Variants in PHF3 observed in about 807,000 individuals in gnomAD.
PHF3 encodes PHD finger protein 3.
In PHF3, 41 loss-of-function variants were observed where a neutral mutation model predicts 178.4. That is an observed-to-expected ratio of 0.23 (90% CI 0.18 to 0.30). The LOEUF (loss-of-function observed/expected upper bound fraction) is 0.30. Ranked by LOEUF, PHF3 falls within the 10% of genes least tolerant of loss-of-function variation. PHF3 has a pLI of 1.00. For missense variants in PHF3, 2,346 were observed against 2,398.1 expected (o/e 0.98, Z 0.45); for synonymous variants, 842 against 800.5 (o/e 1.05, Z -0.88).
intron 8 of PHF3, among the ~76,000 whole-genome samples, chr6:63,699,936 C>G (rs1243758084): frequency 6.6e-6 from 1 of 152,070 alleles, no homozygotes; most frequent in Non-Finnish European, 1.5e-5. Context: ...GTTTTTTGCT[C>G]TGCAGTTTCC....
At chr6:63,670,033 C>T (rs185805146) in intron 2 of PHF3, among the ~76,000 whole-genome samples, 40 of 151,974 alleles carry the variant, frequency 2.6e-4, no homozygotes, top group Admixed American at 2.0e-3. Flanking sequence ...GATGAAAGTT[C>T]CTTTTATAGA....
In PHF3 at chr6:63,723,332, G is replaced by A. The variant is rs66882701; in HGVS notation, c.*9624G>A. On this transcript the variant is annotated 3_prime_UTR_variant, in exon 16 of 16. Transcript: ENST00000262043. ...ACATTGGGTTATACCACCAAAAACT[G>A]GAACAAGTAAACATAATTGATAATT... is the stretch of plus-strand genomic sequence containing the variant. Among the ~76,000 whole-genome samples, 21,875 of 151,990 alleles carry A rather than the reference G, an allele frequency of 0.14. 1,794 individuals are homozygous for A. The highest frequency in any genetic ancestry group is 0.22 in the African/African-American group (9,197 of 41,454).
intron 6 of PHF3, among the ~76,000 whole-genome samples, chr6:63,695,889 A>G (rs1472206913): frequency 6.6e-6 from 1 of 152,236 alleles, no homozygotes; most frequent in Admixed American, 6.5e-5. Context: ...TGTTTTGGCC[A>G]TTATGAGATT....
intron 2 of PHF3, among the ~76,000 whole-genome samples, chr6:63,669,500 C>T (rs568637454): frequency 3.3e-5 from 5 of 152,078 alleles, no homozygotes; most frequent in Non-Finnish European, 7.4e-5. Context: ...CTAAAATATT[C>T]GATCCATTCG....
chr6:63,635,819 C>T lies in PHF3; in HGVS notation c.-357C>T. The T allele has an allele frequency of 2.5e-6, 1 of 394,852 alleles. No homozygotes were observed. Among genetic ancestry groups the T allele is most frequent in the African/African-American group, 2.1e-5 (1 of 48,542 alleles). The allele number at this position is 394,852 out of a possible 1,614,324, so 24.5% of individuals were successfully genotyped here. ...CGGTAAACAGTGGGGTCACGTGACA[C>T]GGCCCCTCTCCAGCTCCCGCGCCGC... On this transcript the variant is annotated 5_prime_UTR_variant, in exon 1 of 16. The change creates a new upstream start codon in the 5' untranslated region. Transcript: ENST00000262043.
chr6:63,707,569 C>A (rs535154081), intron 13 of PHF3, among the ~76,000 whole-genome samples: 1 of 152,250 alleles, frequency 6.6e-6, no homozygotes, highest in East Asian at 1.9e-4. Context: ...GAAAATAAAT[C>A]AGTACATATA....
In PHF3 at chr6:63,713,651, C is replaced by G; in HGVS notation, c.6063C>G (p.Asp2021Glu). The G allele has an allele frequency of 6.2e-7, 1 of 1,610,052 alleles. No individual in the cohort carries two copies. The highest frequency in any genetic ancestry group is 1.1e-5 in the South Asian group (1 of 90,430). Residue 2021 changes from aspartate (D) to glutamate (E), a missense_variant, in exon 16 of 16, where the codon GAC becomes GAG. Physicochemically the swap from Asp to Glu is conservative, Grantham distance 45. This residue lies in a region of PHF3 where 839 missense variants were observed against 806.9 expected (regional missense o/e 1.04). Coordinates refer to ENST00000262043, the MANE Select transcript of PHF3 (RefSeq NM_001370348.2). ...EKSKHREGEK[D>E]RDRYHKDRDH... Reference sequence around the variant, plus strand: ...GTAAACACAGAGAAGGAGAAAAGGACAGGGATAGGTACCACAAAGATAGGG... The same window carrying G: ...GTAAACACAGAGAAGGAGAAAAGGAGAGGGATAGGTACCACAAAGATAGGG...
At chr6:63,707,910 T>C (rs900702984) in intron 13 of PHF3, among the ~76,000 whole-genome samples, 2 of 149,114 alleles carry the variant, frequency 1.3e-5, no homozygotes, top group South Asian at 4.2e-4. Context: ...CCTGTCGCCC[T>C]GGCTGGAGTG....
At chr6:63,697,633 A>C (rs1226716751) in intron 6 of PHF3, among the ~76,000 whole-genome samples, 2 of 152,222 alleles carry the variant, frequency 1.3e-5, no homozygotes. Context: ...AAAGATATTA[A>C]GTATACGAGG....
intron 2 of PHF3, among the ~76,000 whole-genome samples, chr6:63,664,626 A>G (rs555320122): frequency 6.6e-6 from 1 of 152,282 alleles, no homozygotes; most frequent in East Asian, 1.9e-4. Context: ...AAATATTTAT[A>G]CTTTTCAAAT....
At position 63,685,862 on chromosome 6, in the gene PHF3, T is replaced by C; in HGVS notation, c.2140T>C (p.Trp714Arg). ...HSSSFESKYM[W>R]TPSKQCGFCK... ...CTCCTCATTTGAAAGCAAATATATGTGGACTCCCAGCAAGCAGTGTGGGTT... is the reference window on the plus strand; with the variant it reads ...CTCCTCATTTGAAAGCAAATATATGCGGACTCCCAGCAAGCAGTGTGGGTT... The change falls in exon 4 of 16, where the codon TGG becomes CGG. Residue 714 changes from tryptophan to arginine, a missense_variant. By Grantham distance (101) the Trp-to-Arg change is moderately radical. Transcript: ENST00000262043. The C allele has an allele frequency of 6.2e-7, 1 of 1,613,510 alleles. No individual in the cohort carries two copies. Among genetic ancestry groups the C allele is most frequent in the South Asian group, 1.1e-5 (1 of 91,072 alleles).
At chr6:63,699,868 C>T (rs1452575675) in intron 8 of PHF3, among the ~76,000 whole-genome samples, 3 of 152,242 alleles carry the variant, frequency 2.0e-5, no homozygotes, top group East Asian at 3.9e-4. Context: ...GCATTACAGG[C>T]GTGAGCTGCG....
At position 63,720,806 on chromosome 6, in the gene PHF3, G is replaced by C. The variant is rs1381075062; in HGVS notation, c.*7098G>C. ...TGCCATCATAGTTTAGAGCCACAAA[G>C]TTTTTATGTGGATCAATATCCTCGG... is the stretch of plus-strand genomic sequence containing the variant. On this transcript the variant is annotated 3_prime_UTR_variant, in exon 16 of 16. Transcript: ENST00000262043. 7.7e-6 allele frequency: 12 copies of C among 1,550,906 alleles called. No homozygotes were observed. In the East Asian group the frequency reaches 2.9e-4, roughly 38 times the overall value.
intron 2 of PHF3, 68 bp from the exon 3 acceptor site, chr6:63,679,932 G>T (rs773237156): frequency 2.4e-6 from 3 of 1,255,706 alleles, no homozygotes; most frequent in Admixed American, 3.5e-5. Context: ...AGTATTTTCT[G>T]TACTGCCTTT....
In PHF3 at chr6:63,647,458, T is replaced by C. The variant is rs762212295; in HGVS notation, c.244+663T>C. ...TTTGAAGACTCAGTATGAAAAAAAG[T>C]TAAAAAATATTTCTTCAATTTTTTT... is the stretch of plus-strand genomic sequence containing the variant. On this transcript the variant is annotated intron_variant, in intron 2 of 15. Coordinates refer to ENST00000262043, the MANE Select transcript of PHF3 (RefSeq NM_001370348.2). 5.7e-4 allele frequency among the ~76,000 whole-genome samples: 87 copies of C among 152,228 alleles called. 2 individuals are homozygous for C. Among genetic ancestry groups the C allele is most frequent in the Non-Finnish European group, 1.6e-4 (11 of 68,028 alleles).
At chr6:63,664,286 A>G (rs1270988089) in intron 2 of PHF3, among the ~76,000 whole-genome samples, 1 of 152,160 alleles carries the variant, frequency 6.6e-6, no homozygotes, top group African/African-American at 2.4e-5. Context: ...CCTCCCTAAC[A>G]AGTGGAACTT....
intron 5 of PHF3, among the ~76,000 whole-genome samples, chr6:63,692,281 C>A (rs1188450449): frequency 1.3e-5 from 2 of 152,036 alleles, no homozygotes; most frequent in East Asian, 3.8e-4. Context: ...CCATTTCTAG[C>A]CCCTAGTTTG....
At chr6:63,648,459 A>G (rs1277310311) in intron 2 of PHF3, among the ~76,000 whole-genome samples, 1 of 152,186 alleles carries the variant, frequency 6.6e-6, no homozygotes, top group East Asian at 1.9e-4. Context: ...TGGAACTGAC[A>G]CATGTGTCAT....
At chr6:63,656,471 G>GTT in intron 2 of PHF3, among the ~76,000 whole-genome samples, 1 of 152,246 alleles carries the variant, frequency 6.6e-6, no homozygotes, top group East Asian at 1.9e-4. Context: ...CTGACTGTGT[G>GTT]TTTGTATGTG....
Sources: gnomAD v4.1 joint callset for allele counts (sites outside exome capture counted in the v4.1 genomes callset) on GRCh38, gnomAD v4.1.1 for gene constraint, gnomAD v4.1.1 regional missense constraint, MANE v1.5 for transcripts, NCBI Gene and HGNC (gene_info 2026-07-23, HGNC 2026-07-21) for gene names.